SPECC1: variants seen among roughly 807,000 people sequenced by gnomAD.
SPECC1 encodes cytospin-B.
A neutral mutation model predicts 104.1 loss-of-function variants in SPECC1; 62 were observed. That is an observed-to-expected ratio of 0.60 (90% confidence interval 0.49 to 0.74). The LOEUF is 0.74. Among genes scored for constraint, SPECC1 ranks in the 30% least tolerant of loss-of-function variants. The probability of loss-of-function intolerance (pLI) is 0.00; values close to 1 mark genes in which losing one functional copy is unlikely to be tolerated. For missense variants in SPECC1, 1,306 were observed against 1,310.5 expected, an observed-to-expected ratio of 1.00 and a Z score of 0.05; for synonymous variants, 513 against 501.6, an observed-to-expected ratio of 1.02 and a Z score of -0.30.
At chr17:20,193,133 T>A (rs1485621975) in intron 3 of SPECC1, among the ~76,000 whole-genome samples, 1 of 152,222 alleles carries the variant, frequency 6.6e-6, no homozygotes, top group Non-Finnish European at 1.5e-5. Context: ...TTTCCTGAAG[T>A]TGCTATGACA....
chr17:20,316,153 C>T lies in SPECC1; in HGVS notation c.*2088C>T, dbSNP rs913930544. On this transcript the variant is annotated 3_prime_UTR_variant, in exon 15 of 15. Coordinates refer to ENST00000395527, the MANE Select transcript of SPECC1 (RefSeq NM_001243439.2). ...AAGTTACTACTTCTGCTGATTCAGG[C>T]ACTTGTTTGAAGCATTTTTTTTTTA... is the stretch of plus-strand genomic sequence containing the variant. 1 of 231,390 alleles carries T rather than the reference C, an allele frequency of 4.3e-6. No individual in the cohort carries two copies. The highest frequency in any genetic ancestry group is 2.2e-5 in the African/African-American group (1 of 45,242). The allele number at this position is 231,390 out of a possible 1,614,324, so 14.3% of individuals were successfully genotyped here.
At chr17:20,158,897 A>C (rs1294390897) in intron 3 of SPECC1, among the ~76,000 whole-genome samples, 2 of 151,598 alleles carry the variant, frequency 1.3e-5, no homozygotes, top group African/African-American at 4.9e-5. Flanking sequence ...TAGCTAGGAC[A>C]ACAGGCCCGG....
intron 5 of SPECC1, among the ~76,000 whole-genome samples, chr17:20,231,293 A>T (rs1343026038): frequency 6.6e-6 from 1 of 152,214 alleles, no homozygotes; most frequent in Non-Finnish European, 1.5e-5. Context: ...CTTAACTGTG[A>T]TTGAGACCCA....
rs1376552891 is a variant in SPECC1, at chr17:20,237,989, G to A, written c.2351+5584G>A. 3.2e-5 allele frequency: 32 copies of A among 997,604 alleles called. No homozygotes were observed. In the East Asian group the frequency reaches 9.6e-4, roughly 30 times the overall value. 61.8% of individuals were successfully genotyped at this position (997,604 alleles called of 1,614,324 possible). A position where few individuals can be genotyped will look rare whatever the true frequency, so the allele number is the denominator to read the frequency against. ...ACTCCTGACCTCAAGTGATCTGGCC[G>A]CCTCAGCCTCCCAAAGTGCTGGGAT... On this transcript the variant is annotated intron_variant, in intron 7 of 14. Coordinates refer to ENST00000395527, the MANE Select transcript of SPECC1 (RefSeq NM_001243439.2).
intron 3 of SPECC1, among the ~76,000 whole-genome samples, chr17:20,182,015 T>C: frequency 6.6e-6 from 1 of 152,170 alleles, no homozygotes; most frequent in African/African-American, 2.4e-5. Context: ...CATTTAAGTC[T>C]TAGAAAGTGT....
chr17:20,052,048 C>T (rs1223448630), intron 1 of SPECC1, among the ~76,000 whole-genome samples: 2 of 152,022 alleles, frequency 1.3e-5, no homozygotes, highest in African/African-American at 4.8e-5. Flanking sequence ...ACAAAAAAAC[C>T]CTAGAAGAAT....
At chr17:20,194,747 A>C (rs998177532) in intron 3 of SPECC1, among the ~76,000 whole-genome samples, 42 of 151,746 alleles carry the variant, frequency 2.8e-4, no homozygotes, top group Admixed American at 2.3e-3. Context: ...CACGAGACCC[A>C]CCCGCCTCGG....
At chr17:20,220,976 A>T (rs7218859) in intron 4 of SPECC1, among the ~76,000 whole-genome samples, 1 of 152,048 alleles carries the variant, frequency 6.6e-6, no homozygotes, top group African/African-American at 2.4e-5. Flanking sequence ...ACCACATTGC[A>T]TATGTCAAAC....
chr17:20,296,813 GCTCT>G (rs1055374067), intron 12 of SPECC1, 144 bp from the exon 13 acceptor site: 7 of 648,758 alleles, frequency 1.1e-5, no homozygotes, highest in African/African-American at 5.5e-5. Flanking sequence ...CGTGAATTCG[GCTCT>G]CTGTCTGTTA....
At chr17:20,036,146 T>C (rs1243712161) in intron 1 of SPECC1, among the ~76,000 whole-genome samples, 1 of 151,940 alleles carries the variant, frequency 6.6e-6, no homozygotes, top group Admixed American at 6.6e-5. Flanking sequence ...TTTATTTTAT[T>C]TTTTTTGAGA....
chr17:20,280,422 G>GCCC (rs1013068149), intron 12 of SPECC1, among the ~76,000 whole-genome samples: 1 of 152,192 alleles, frequency 6.6e-6, no homozygotes, highest in African/African-American at 2.4e-5. Context: ...CTGCTGTTGG[G>GCCC]CCCAGCATCC....
intron 1 of SPECC1, among the ~76,000 whole-genome samples, chr17:20,020,934 A>G (rs1327952229): frequency 3.9e-5 from 6 of 152,172 alleles, no homozygotes; most frequent in Non-Finnish European, 7.3e-5. Context: ...TTGACTCCCA[A>G]AACTTAACTA....
chr17:20,126,904 T>C (rs1171960184), intron 3 of SPECC1, among the ~76,000 whole-genome samples: 2 of 152,240 alleles, frequency 1.3e-5, no homozygotes, highest in East Asian at 1.9e-4. Context: ...CATGCTGTTA[T>C]TACTTTGATT....
intron 4 of SPECC1, among the ~76,000 whole-genome samples, chr17:20,212,347 G>C (rs1239439769): frequency 6.6e-6 from 1 of 152,080 alleles, no homozygotes. Context: ...GAATTAGCCC[G>C]TTTTCATGCT....
rs2042040119 is a variant in SPECC1 at position 20,316,348 on chromosome 17, G to A, written c.*2283G>A. On this transcript the variant is annotated 3_prime_UTR_variant, in exon 15 of 15. Transcript: ENST00000395527. ...CGGAGTGGGAGTGGGTGTTTTCTGT[G>A]ATTGGTTCTGTTTTTTATTTTTACT... 4.4e-6 allele frequency: 1 copy of A among 227,282 alleles called. No homozygotes were observed. The highest frequency in any genetic ancestry group is 8.7e-6 in the Non-Finnish European group (1 of 114,402). 14.1% of individuals were successfully genotyped at this position (227,282 alleles called of 1,614,324 possible). A position where few individuals can be genotyped will look rare whatever the true frequency, so the allele number is the denominator to read the frequency against.
chr17:20,075,407 C>T (rs1191458767), intron 1 of SPECC1, among the ~76,000 whole-genome samples: 1 of 152,184 alleles, frequency 6.6e-6, no homozygotes, highest in African/African-American at 2.4e-5. Flanking sequence ...GAACTCAAGT[C>T]TGTCTCAATC....
chr17:20,128,270 A>G (rs1203229424), intron 3 of SPECC1, among the ~76,000 whole-genome samples: 1 of 152,226 alleles, frequency 6.6e-6, no homozygotes, highest in African/African-American at 2.4e-5. Flanking sequence ...GCTCAGGGTA[A>G]ACATTTTGAA....
rs753425689 is a variant in SPECC1 at position 20,317,959 on chromosome 17, G to A, written c.*3894G>A. 1.4e-4 allele frequency: 31 copies of A among 226,870 alleles called. No individual in the cohort carries two copies. The highest frequency in any genetic ancestry group is 2.6e-4 in the Non-Finnish European group (30 of 114,106). 14.1% of individuals were successfully genotyped at this position (226,870 alleles called of 1,614,324 possible). A position where few individuals can be genotyped will look rare whatever the true frequency, so the allele number is the denominator to read the frequency against. ...GGTTTTTAGGTCTGTTTTTAACAGA[G>A]CTCAGAGCACCAGGTGAAGGTGGAA... On this transcript the variant is annotated 3_prime_UTR_variant, in exon 15 of 15. Transcript: ENST00000395527.
chr17:20,207,066 T>C (rs1046359161), intron 4 of SPECC1, among the ~76,000 whole-genome samples: 1 of 152,180 alleles, frequency 6.6e-6, no homozygotes, highest in Admixed American at 6.5e-5. Flanking sequence ...TGCAGAGAGA[T>C]GGCCTCCTAT....
Sources: gnomAD v4.1 joint callset for allele counts (sites outside exome capture counted in the v4.1 genomes callset) on GRCh38, gnomAD v4.1.1 for gene constraint, MANE v1.5 for transcripts, NCBI Gene and HGNC (gene_info 2026-07-23, HGNC 2026-07-21) for gene names.